The following GLI2 variants were observed in gnomAD, a reference collection of about 807,000 sequenced individuals.
The protein encoded by GLI2 is transcription activator GLI2.
A neutral mutation model predicts 78.9 loss-of-function variants in GLI2; 22 were observed. The observed-to-expected ratio is 0.28, with a 90% confidence interval of 0.20 to 0.40. GLI2 has a LOEUF of 0.40. Ranked by LOEUF, GLI2 falls within the 10% of genes least tolerant of loss-of-function variation. The probability of loss-of-function intolerance (pLI) is 1.00; values close to 1 mark genes in which losing one functional copy is unlikely to be tolerated. For synonymous variants in GLI2, 974 were observed against 963.7 expected (o/e 1.01, Z -0.20); for missense variants, 2,097 against 2,213.2 (o/e 0.95, Z 1.05).
In GLI2 at chr2:120,845,817, C is replaced by T. The variant is rs1056856937; in HGVS notation, c.148+48349C>T. Among the ~76,000 whole-genome samples the T allele has an allele frequency of 7.2e-5, 11 of 152,134 alleles. No individual in the cohort carries two copies. The East Asian group carries it at 1.2e-3, about 16-fold the overall frequency. On this transcript the variant is annotated intron_variant, in intron 2 of 13. Transcript: ENST00000361492. ...GGTTCCAGGTATTGTGCCTGGAATA[C>T]GTGGTAGTATTATGTAGATATTGTT...
chr2:120,865,967 C>T (rs190793889), intron 2 of GLI2, among the ~76,000 whole-genome samples: 4 of 152,308 alleles, frequency 2.6e-5, no homozygotes, highest in African/African-American at 9.6e-5. Flanking sequence ...CCAGCACTGC[C>T]CAGACTCAGA....
chr2:120,818,095 G>T (rs564730894), intron 2 of GLI2, among the ~76,000 whole-genome samples: 1 of 152,312 alleles, frequency 6.6e-6, no homozygotes, highest in African/African-American at 2.4e-5. Flanking sequence ...GTGGCCCTGT[G>T]CCTGCATCTG....
intron 1 of GLI2, among the ~76,000 whole-genome samples, chr2:120,769,052 CA>C (rs1332640703): frequency 6.6e-6 from 1 of 152,174 alleles, no homozygotes; most frequent in Non-Finnish European, 1.5e-5. Context: ...GAAGACTTGA[CA>C]AGGGTCCTCA....
rs1682406416 is a variant in GLI2, at chr2:120,737,525, C to T, written c.-31+1240C>T. On this transcript the variant is annotated intron_variant, in intron 1 of 13. Coordinates refer to ENST00000361492, the MANE Select transcript of GLI2 (RefSeq NM_001374353.1). The surrounding 1 kb of genome is among the most constrained non-coding windows in gnomAD (Gnocchi z 4.3). ...CTGTCCCTACTGTCTGGTCCCGCGC[C>T]CTGGGAGTCTTGTAGGCGTCCCTCT... Among the ~76,000 whole-genome samples the T allele has an allele frequency of 6.6e-6, 1 of 152,172 alleles. No individual in the cohort carries two copies. The highest frequency in any genetic ancestry group is 1.5e-5 in the Non-Finnish European group (1 of 68,042).
At chr2:120,815,540 C>T (rs1260929511) in intron 2 of GLI2, among the ~76,000 whole-genome samples, 3 of 152,218 alleles carry the variant, frequency 2.0e-5, no homozygotes, top group African/African-American at 4.8e-5. Flanking sequence ...CCAAGTACCA[C>T]GGGATTGAGC....
rs954277507 is a variant in GLI2, at chr2:120,827,303, C to T, written c.148+29835C>T. 3.9e-5 allele frequency among the ~76,000 whole-genome samples: 6 copies of T among 152,098 alleles called. No homozygotes were observed. The East Asian group carries it at 5.8e-4, about 15-fold the overall frequency. ...TCTAAGTAGTGCCTCTGCCTGTGAGCGGGTGATGAAGAGTCAGTGGGGATT... is the reference window on the plus strand; with the variant it reads ...TCTAAGTAGTGCCTCTGCCTGTGAGTGGGTGATGAAGAGTCAGTGGGGATT... On this transcript the variant is annotated intron_variant, in intron 2 of 13. Transcript: ENST00000361492.
At chr2:120,955,222 C>G in intron 4 of GLI2, 23 bp from the exon 5 acceptor site, 1 of 1,114,784 alleles carries the variant, frequency 9.0e-7, no homozygotes. Context: ...CTGACGGCTT[C>G]TTTCTCTCCC....
At position 120,980,232 on chromosome 2, in the gene GLI2, A is replaced by G. The variant is rs567532797; in HGVS notation, c.1467+1649A>G. Among the ~76,000 whole-genome samples the G allele has an allele frequency of 3.7e-4, 57 of 152,296 alleles. No homozygotes were observed. The South Asian group carries it at 8.7e-3, about 23-fold the overall frequency. Reference sequence around the variant, plus strand: ...GTCTGTTTTCCAAAAACGCTGCTCCATTTTACCTTTCCACCCACAATGAAT... The same window carrying G: ...GTCTGTTTTCCAAAAACGCTGCTCCGTTTTACCTTTCCACCCACAATGAAT... On this transcript the variant is annotated intron_variant, in intron 10 of 13. Transcript: ENST00000361492.
chr2:120,985,338 C>G (rs1483128344), intron 12 of GLI2, among the ~76,000 whole-genome samples: 1 of 152,168 alleles, frequency 6.6e-6, no homozygotes, highest in Non-Finnish European at 1.5e-5. Flanking sequence ...TGGGCCCGGA[C>G]AGGCACACGG....
In GLI2 at chr2:120,925,914, T is replaced by TA. The variant is rs1679641034; in HGVS notation, c.149-1446dup. Among the ~76,000 whole-genome samples the TA allele has an allele frequency of 2.0e-5, 3 of 151,026 alleles. 1 individual carries two copies. In the South Asian group the frequency reaches 6.3e-4, roughly 32 times the overall value. On this transcript the variant is annotated intron_variant, in intron 2 of 13. Transcript: ENST00000361492. ...GGTGAAACCTCGTCTCTACTAAAAA[T>TA]ACAAAAAAATTAGCCGGGCGTGGTG...
At chr2:120,887,488 C>T (rs934984826) in intron 2 of GLI2, among the ~76,000 whole-genome samples, 5 of 152,252 alleles carry the variant, frequency 3.3e-5, no homozygotes, top group Non-Finnish European at 2.9e-5. Flanking sequence ...CCCGCGCTGG[C>T]GAAGCCCGGG....
In GLI2 at chr2:120,884,808, G is replaced by A. The variant is rs561709066; in HGVS notation, c.149-42553G>A. Among the ~76,000 whole-genome samples, 25 of 152,260 alleles carry A rather than the reference G, an allele frequency of 1.6e-4. 1 individual carries two copies. In the South Asian group the frequency reaches 4.1e-3, roughly 25 times the overall value. On this transcript the variant is annotated intron_variant, in intron 2 of 13. Coordinates refer to ENST00000361492, the MANE Select transcript of GLI2 (RefSeq NM_001374353.1). ...ACAGGCTTCTGCTCAGCCTTGCCTC[G>A]CCTCCTTGCTGGGAGAGTGGCGCGT...
intron 2 of GLI2, among the ~76,000 whole-genome samples, chr2:120,811,318 C>T (rs1315675312): frequency 1.3e-5 from 2 of 152,110 alleles, no homozygotes; most frequent in Non-Finnish European, 2.9e-5. Flanking sequence ...GTCATTCTAT[C>T]CCCCCAGCCT....
At chr2:120,891,947 T>C (rs553332337) in intron 2 of GLI2, among the ~76,000 whole-genome samples, 12 of 152,126 alleles carry the variant, frequency 7.9e-5, no homozygotes, top group Non-Finnish European at 1.6e-4. Flanking sequence ...ATGCCAGTCT[T>C]CACTGAGCAC....
chr2:120,743,432 T>C (rs1195286616), intron 1 of GLI2, among the ~76,000 whole-genome samples: 1 of 152,048 alleles, frequency 6.6e-6, no homozygotes, highest in Admixed American at 6.5e-5. Context: ...AGCGATACCC[T>C]GTCTCTACAA....
intron 12 of GLI2, 79 bp downstream of exon 12, chr2:120,984,822 G>T (rs886911629): frequency 5.3e-6 from 8 of 1,496,258 alleles, no homozygotes; most frequent in Non-Finnish European, 7.3e-6. Flanking sequence ...ACGGTTGCGG[G>T]CTCTGCCCTA....
chr2:120,790,160 G>A (rs538813714), intron 1 of GLI2, among the ~76,000 whole-genome samples: 2 of 152,178 alleles, frequency 1.3e-5, no homozygotes, highest in Admixed American at 1.3e-4. Context: ...GTCTCCCTTC[G>A]TTGTCCTCAC....
chr2:120,758,419 T>G (rs1683102029), intron 1 of GLI2, among the ~76,000 whole-genome samples: 1 of 152,212 alleles, frequency 6.6e-6, no homozygotes, highest in Non-Finnish European at 1.5e-5. Flanking sequence ...TGAATGGTGC[T>G]GGCTGGGAGG....
At chr2:120,940,049 T>A (rs1680381807) in intron 3 of GLI2, among the ~76,000 whole-genome samples, 1 of 152,264 alleles carries the variant, frequency 6.6e-6, no homozygotes, top group Admixed American at 6.5e-5. Flanking sequence ...TTTCACATGC[T>A]TATGGGCCAC....
Sources: allele counts gnomAD v4.1 joint callset (sites outside exome capture counted in the v4.1 genomes callset), GRCh38; gene constraint gnomAD v4.1.1; non-coding constraint Gnocchi (gnomAD v3.1); transcripts MANE v1.5; gene names NCBI Gene and HGNC (gene_info 2026-07-23, HGNC 2026-07-21).